The following PLPPR5 variants were observed in gnomAD, a reference collection of about 807,000 sequenced individuals.
PLPPR5 encodes the protein phospholipid phosphatase-related protein type 5.
Under a neutral mutation model 33.9 loss-of-function variants are expected in PLPPR5, and 16 were observed. That is an observed-to-expected ratio of 0.47 (90% CI 0.32 to 0.72). The LOEUF (loss-of-function observed/expected upper bound fraction) is 0.72, where lower values mean the gene tolerates loss of function less well. Among genes scored for constraint, PLPPR5 ranks in the 30% least tolerant of loss-of-function variants. The pLI is 0.03. For missense variants in PLPPR5, 301 were observed against 406.7 expected (o/e 0.74, Z 2.23); for synonymous variants, 163 against 150.3 (o/e 1.08, Z -0.62).
chr1:98,962,656 T>C (rs1325758954), intron 1 of PLPPR5, among the ~76,000 whole-genome samples: 2 of 152,134 alleles, frequency 1.3e-5, no homozygotes, highest in Non-Finnish European at 2.9e-5. Flanking sequence ...TTTCTTTTCT[T>C]TTTCTGGAGA....
At chr1:98,903,384 A>G (rs75864694) in intron 5 of PLPPR5, among the ~76,000 whole-genome samples, 1,772 of 152,266 alleles carry the variant, frequency 0.012, 36 homozygotes, top group African/African-American at 0.04. Context: ...TGAATCTTAA[A>G]TAGATTGCCA....
At chr1:99,005,472 G>GTA (rs571019844), upstream of PLPPR5, among the ~76,000 whole-genome samples, 72 of 152,070 alleles carry the variant, frequency 4.7e-4, no homozygotes, top group Admixed American at 9.2e-4. Flanking sequence ...AGGGCTTTGT[G>GTA]TATATATATA....
chr1:98,898,355 G>A (rs1320344902), intron 5 of PLPPR5, among the ~76,000 whole-genome samples: 1 of 152,168 alleles, frequency 6.6e-6, no homozygotes, highest in East Asian at 1.9e-4. Flanking sequence ...AGCCTACATT[G>A]CATCAGGAAA....
intron 5 of PLPPR5, among the ~76,000 whole-genome samples, chr1:98,896,741 G>C (rs1351913582): frequency 6.6e-6 from 1 of 151,994 alleles, no homozygotes; most frequent in Non-Finnish European, 1.5e-5. Flanking sequence ...AAATTTTAAA[G>C]TCTCTATAGC....
At chr1:99,004,979 G>A (rs1298689524), upstream of PLPPR5, 1 of 157,348 alleles carries the variant, frequency 6.4e-6, no homozygotes, top group Admixed American at 6.5e-5. Context: ...CCCGGGCGAC[G>A]GGCAGCGGCC....
intron 3 of PLPPR5, among the ~76,000 whole-genome samples, chr1:98,952,401 G>C (rs968988070): frequency 5.3e-5 from 8 of 152,244 alleles, no homozygotes; most frequent in African/African-American, 1.7e-4. Context: ...ACCATTGTTG[G>C]GGACAAGAGC....
chr1:98,907,201 T>TA (rs1482695659), intron 5 of PLPPR5, among the ~76,000 whole-genome samples: 3 of 130,326 alleles, frequency 2.3e-5, no homozygotes, highest in African/African-American at 6.3e-5. Flanking sequence ...TTTATTGTAA[T>TA]CCTTTTTTTT....
chr1:98,993,979 GT>G (rs1457750385), intron 1 of PLPPR5, among the ~76,000 whole-genome samples: 1 of 152,060 alleles, frequency 6.6e-6, no homozygotes, highest in East Asian at 1.9e-4. Context: ...TATGTCAGGG[GT>G]ACATTTGTAC....
chr1:98,940,382 C>T (rs986336017), intron 3 of PLPPR5, among the ~76,000 whole-genome samples: 1 of 151,822 alleles, frequency 6.6e-6, no homozygotes, highest in Non-Finnish European at 1.5e-5. Flanking sequence ...CTCATCTAAC[C>T]CTAATCAGTT....
At chr1:98,949,755 T>A (rs1650705769) in intron 3 of PLPPR5, among the ~76,000 whole-genome samples, 2 of 152,178 alleles carry the variant, frequency 1.3e-5, no homozygotes, top group South Asian at 4.1e-4. Flanking sequence ...CTATAAGGCT[T>A]ACATTTGCAG....
Position 98,914,928 on chromosome 1 carries a change from T to A in PLPPR5, c.799-8A>T. 6.2e-7 allele frequency: 1 copy of A among 1,608,276 alleles called. No homozygotes were observed. The highest frequency in any genetic ancestry group is 1.1e-5 in the South Asian group (1 of 90,768). On this transcript the variant is annotated splice_region_variant and splice_polypyrimidine_tract_variant and intron_variant, in intron 4 of 5. Coordinates refer to ENST00000263177, the MANE Select transcript of PLPPR5 (RefSeq NM_001037317.2). Reference sequence around the variant, plus strand: ...ATTCACCACGCACACAACCTAAAATTTCAGAAGACAATTACAGTTAAAGCA... The same window carrying A: ...ATTCACCACGCACACAACCTAAAATATCAGAAGACAATTACAGTTAAAGCA...
intron 1 of PLPPR5, among the ~76,000 whole-genome samples, chr1:98,967,918 T>G (rs1405926460): frequency 6.6e-6 from 1 of 152,038 alleles, no homozygotes; most frequent in Non-Finnish European, 1.5e-5. Flanking sequence ...GTTTGATCAT[T>G]TGGGATAAAG....
At chr1:98,907,598 A>G (rs975525631) in intron 5 of PLPPR5, among the ~76,000 whole-genome samples, 2 of 152,134 alleles carry the variant, frequency 1.3e-5, no homozygotes, top group African/African-American at 4.8e-5. Context: ...CTGATTATTC[A>G]TGCTTGAAAT....
intron 5 of PLPPR5, among the ~76,000 whole-genome samples, chr1:98,909,428 T>C (rs930034197): frequency 6.6e-5 from 10 of 151,894 alleles, no homozygotes; most frequent in Admixed American, 6.6e-4. Flanking sequence ...ATACATTTAA[T>C]ATACATATAA....
At chr1:98,903,189 C>G (rs1038362874) in intron 5 of PLPPR5, among the ~76,000 whole-genome samples, 27 of 151,958 alleles carry the variant, frequency 1.8e-4, no homozygotes, top group Admixed American at 1.8e-3. Context: ...TGACTTACTT[C>G]AAATATTTTT....
At chr1:98,978,308 A>G (rs1181424254) in intron 1 of PLPPR5, among the ~76,000 whole-genome samples, 1 of 152,012 alleles carries the variant, frequency 6.6e-6, no homozygotes, top group East Asian at 1.9e-4. Context: ...TACATTTTCA[A>G]TTGGTCTCGC....
chr1:98,986,678 A>G (rs75777718), intron 1 of PLPPR5, among the ~76,000 whole-genome samples: 3,056 of 151,992 alleles, frequency 0.02, 111 homozygotes, highest in African/African-American at 0.07. Context: ...GAATCTTGTG[A>G]AAAGAATTTT....
chr1:98,956,123 C>A (rs368875439), intron 2 of PLPPR5, among the ~76,000 whole-genome samples: 1 of 152,028 alleles, frequency 6.6e-6, no homozygotes, highest in African/African-American at 2.4e-5. Context: ...TCTTATCCTT[C>A]GTGATGTTCG....
At chr1:98,911,654 A>T (rs537464958) in intron 5 of PLPPR5, among the ~76,000 whole-genome samples, 10 of 152,330 alleles carry the variant, frequency 6.6e-5, no homozygotes, top group African/African-American at 2.2e-4. Flanking sequence ...ATTATTATTG[A>T]AGTTAATTTC....
Sources: allele counts gnomAD v4.1 joint callset (sites outside exome capture counted in the v4.1 genomes callset), GRCh38; gene constraint gnomAD v4.1.1; transcripts MANE v1.5; gene names NCBI Gene and HGNC (gene_info 2026-07-23, HGNC 2026-07-21).